The following ITGA8 variants were observed in gnomAD, a reference collection of about 807,000 sequenced individuals.
The protein encoded by ITGA8 is integrin alpha-8.
Under a neutral mutation model 142.3 loss-of-function variants are expected in ITGA8, and 91 were observed. The observed-to-expected ratio is 0.64, with a 90% CI of 0.54 to 0.76. ITGA8 has a LOEUF of 0.76. Ranked by LOEUF, ITGA8 falls within the 30% of genes least tolerant of loss-of-function variation. The probability of loss-of-function intolerance (pLI) is 0.00; values close to 1 mark genes in which losing one functional copy is unlikely to be tolerated. For missense variants in ITGA8, 1,406 were observed against 1,327.7 expected, an observed-to-expected ratio of 1.06 and a Z score of -0.92; for synonymous variants, 505 against 485.2, an observed-to-expected ratio of 1.04 and a Z score of -0.54.
Position 15,718,757 on chromosome 10 carries a change from C to G in ITGA8, c.343+9G>C. The G allele has an allele frequency of 1.2e-6, 2 of 1,613,678 alleles. No homozygotes were observed. Among genetic ancestry groups the G allele is most frequent in the East Asian group, 4.5e-5 (2 of 44,860 alleles). On this transcript the variant is annotated intron_variant, in intron 2 of 29. Coordinates refer to ENST00000378076, the MANE Select transcript of ITGA8 (RefSeq NM_003638.3). ...AGGCCCACAGCTTAGAAGGACAAAT[C>G]TCACTTACTGGTGGTGTCAAACGGT...
rs72781828 is a variant in ITGA8, at chr10:15,704,738, A to G, written c.343+14028T>C. Among the ~76,000 whole-genome samples, 1,300 of 152,314 alleles carry G rather than the reference A, an allele frequency of 8.5e-3. 9 individuals carry two copies. The highest frequency in any genetic ancestry group is 0.015 in the Non-Finnish European group (1,021 of 68,014). The stretch of plus-strand genomic sequence containing the variant: ...CAAGAAGTAATGAAAACCTCTCAGC[A>G]TGGGCATCTCAGGAAGGTGACTCAC... On this transcript the variant is annotated intron_variant, in intron 2 of 29. Transcript: ENST00000378076.
At position 15,516,892 on chromosome 10, in the gene ITGA8, G is replaced by A. The variant is rs1832971023; in HGVS notation, c.*266C>T. ...ATACGCATTTCAAAGTGTCTGCCAAGTACAGAACGATTAAAGCAAAAGAAA... is the reference window on the plus strand; with the variant it reads ...ATACGCATTTCAAAGTGTCTGCCAAATACAGAACGATTAAAGCAAAAGAAA... On this transcript the variant is annotated 3_prime_UTR_variant, in exon 30 of 30. Coordinates refer to ENST00000378076, the MANE Select transcript of ITGA8 (RefSeq NM_003638.3). The A allele has an allele frequency of 3.0e-5, 10 of 338,574 alleles. No individual in the cohort carries two copies. In the South Asian group the frequency reaches 3.3e-4, roughly 11 times the overall value. 21.0% of individuals were successfully genotyped at this position (338,574 alleles called of 1,614,324 possible). A position where few individuals can be genotyped will look rare whatever the true frequency, so the allele number is the denominator to read the frequency against.
chr10:15,564,436 C>G (rs146473273), intron 25 of ITGA8, among the ~76,000 whole-genome samples: 224 of 152,306 alleles, frequency 1.5e-3, no homozygotes, highest in African/African-American at 5.3e-3. Flanking sequence ...GTTCCCAGGA[C>G]AATTCATTAA....
rs113940945 is a variant in ITGA8 at position 15,676,432 on chromosome 10, A to G, written c.676+1160T>C. ...GTCAGAGGACAAAACACACCTGTCCACAGCCACCCAGGAGAAGCCTCCTAA... is the reference window on the plus strand; with the variant it reads ...GTCAGAGGACAAAACACACCTGTCCGCAGCCACCCAGGAGAAGCCTCCTAA... On this transcript the variant is annotated intron_variant, in intron 6 of 29. Transcript: ENST00000378076. Among the ~76,000 whole-genome samples the G allele has an allele frequency of 6.4e-3, 972 of 152,216 alleles. 9 individuals carry two copies. The highest frequency in any genetic ancestry group is 0.022 in the African/African-American group (934 of 41,548).
At chr10:15,538,527 A>ACAC (rs1554770285) in intron 27 of ITGA8, among the ~76,000 whole-genome samples, 14 of 149,380 alleles carry the variant, frequency 9.4e-5, no homozygotes, top group African/African-American at 3.6e-4. Flanking sequence ...AAAAAAAAAA[A>ACAC]AAAACTATAG....
At chr10:15,700,223 C>A (rs898801654) in intron 2 of ITGA8, among the ~76,000 whole-genome samples, 6 of 152,152 alleles carry the variant, frequency 3.9e-5, no homozygotes, top group African/African-American at 1.4e-4. Flanking sequence ...ACTGAGCAAT[C>A]CATTTCTTCC....
intron 27 of ITGA8, among the ~76,000 whole-genome samples, chr10:15,538,578 G>C (rs1431727631): frequency 6.8e-6 from 1 of 147,526 alleles, no homozygotes. Flanking sequence ...TGTCACTTTA[G>C]AAAAGCAGAA....
chr10:15,584,514 T>C (rs1451668), intron 23 of ITGA8, among the ~76,000 whole-genome samples: 72,624 of 151,864 alleles, frequency 0.48, 17,419 homozygotes, highest in East Asian at 0.57. Flanking sequence ...TAGTGTGGGA[T>C]AACAGAAACT....
chr10:15,662,154 G>A (rs1286463724), intron 8 of ITGA8, among the ~76,000 whole-genome samples: 1 of 151,988 alleles, frequency 6.6e-6, no homozygotes, highest in African/African-American at 2.4e-5. Flanking sequence ...GTTATTAAAT[G>A]TAATATTGAG....
Position 15,688,116 on chromosome 10 carries a change from A to G in ITGA8, c.344-78T>C, listed in dbSNP as rs1364609679. ...AAAACACATAATAAATTTGTACATTAAAAATACTTGAACTAATACCAATCC... is the reference window on the plus strand; with the variant it reads ...AAAACACATAATAAATTTGTACATTGAAAATACTTGAACTAATACCAATCC... On this transcript the variant is annotated intron_variant, in intron 2 of 29. Coordinates refer to ENST00000378076, the MANE Select transcript of ITGA8 (RefSeq NM_003638.3). 3.1e-6 allele frequency: 3 copies of G among 973,858 alleles called. No homozygotes were observed. In the African/African-American group the frequency reaches 4.8e-5, roughly 16 times the overall value. 60.3% of individuals were successfully genotyped at this position (973,858 alleles called of 1,614,324 possible). A position where few individuals can be genotyped will look rare whatever the true frequency, so the allele number is the denominator to read the frequency against.
chr10:15,652,224 A>G (rs1230100331), intron 11 of ITGA8, among the ~76,000 whole-genome samples: 1 of 152,226 alleles, frequency 6.6e-6, no homozygotes, highest in South Asian at 2.1e-4. Flanking sequence ...CATTCTCACA[A>G]AACTTTGCTA....
chr10:15,677,588 A>G lies in ITGA8; in HGVS notation c.676+4T>C, dbSNP rs376986547. ...TGCTTTTCTTGTCTGCCAACAGAACATACCTTGCCAGTAGAAACTCCCAGG... is the reference window on the plus strand; with the variant it reads ...TGCTTTTCTTGTCTGCCAACAGAACGTACCTTGCCAGTAGAAACTCCCAGG... On this transcript the variant is annotated splice_donor_region_variant and intron_variant, in intron 6 of 29. Transcript: ENST00000378076. 26 of 1,613,080 alleles carry G rather than the reference A, an allele frequency of 1.6e-5. No individual in the cohort carries two copies. In the African/African-American group the frequency reaches 2.9e-4, roughly 18 times the overall value.
In ITGA8 at chr10:15,551,826, C is replaced by T. The variant is rs559039477; in HGVS notation, c.2767-3258G>A. Among the ~76,000 whole-genome samples the T allele has an allele frequency of 1.3e-3, 192 of 152,156 alleles. 1 individual carries two copies. Among genetic ancestry groups the T allele is most frequent in the African/African-American group, 4.4e-3 (183 of 41,544 alleles). On this transcript the variant is annotated intron_variant, in intron 26 of 29. Coordinates refer to ENST00000378076, the MANE Select transcript of ITGA8 (RefSeq NM_003638.3). ...ATCCAGAGTTGTTTTGACTCCAGGA[C>T]ATAGGGGGTCATAAGATTTGCAATT...
chr10:15,655,464 T>C, intron 10 of ITGA8, 58 bp from the exon 11 acceptor site: 1 of 1,119,340 alleles, frequency 8.9e-7, no homozygotes, highest in Non-Finnish European at 1.4e-6. Flanking sequence ...TTTGTAGTCA[T>C]GTCTCTATTA....
chr10:15,662,434 G>A (rs976573899), intron 8 of ITGA8, among the ~76,000 whole-genome samples: 1 of 146,594 alleles, frequency 6.8e-6, no homozygotes, highest in African/African-American at 2.5e-5. Context: ...AACCTCCTGG[G>A]CTCAAGCCAT....
At chr10:15,544,698 C>G (rs1224613993) in intron 27 of ITGA8, among the ~76,000 whole-genome samples, 1 of 152,192 alleles carries the variant, frequency 6.6e-6, no homozygotes, top group African/African-American at 2.4e-5. Flanking sequence ...ATTCTTCCCT[C>G]CTGGTATTCA....
At chr10:15,675,998 C>G (rs1397038040) in intron 6 of ITGA8, among the ~76,000 whole-genome samples, 1 of 152,052 alleles carries the variant, frequency 6.6e-6, no homozygotes, top group East Asian at 1.9e-4. Context: ...GTAAAAATAT[C>G]ATGAAAATTT....
chr10:15,659,280 G>T (rs541131377), intron 9 of ITGA8, among the ~76,000 whole-genome samples: 1 of 151,980 alleles, frequency 6.6e-6, no homozygotes, highest in African/African-American at 2.4e-5. Context: ...AAAAACGCAT[G>T]CTTATTAATC....
chr10:15,537,971 CA>C (rs781560418), intron 27 of ITGA8, among the ~76,000 whole-genome samples: 6,134 of 135,750 alleles, frequency 0.045, 181 homozygotes, highest in African/African-American at 0.095. Context: ...CAAAACAAAA[CA>C]AAAAAAAAAC....
Sources: allele counts gnomAD v4.1 joint callset (sites outside exome capture counted in the v4.1 genomes callset), GRCh38; gene constraint gnomAD v4.1.1; transcripts MANE v1.5; gene names NCBI Gene and HGNC (gene_info 2026-07-23, HGNC 2026-07-21).